The following MRPL39 variants were observed in gnomAD, a reference collection of about 807,000 sequenced individuals.
The protein encoded by MRPL39 is large ribosomal subunit protein mL39.
Under a neutral mutation model 44.5 loss-of-function variants are expected in MRPL39, and 35 were observed. The observed-to-expected ratio is 0.79, with a 90% confidence interval of 0.60 to 1.04. The LOEUF (loss-of-function observed/expected upper bound fraction) is 1.04, where lower values mean the gene tolerates loss of function less well. Among genes scored for constraint, MRPL39 ranks in the 50% least tolerant of loss-of-function variants. The pLI is 0.00. For missense variants in MRPL39, 433 were observed against 413.5 expected, an observed-to-expected ratio of 1.05 and a Z score of -0.41; for synonymous variants, 139 against 136.1, an observed-to-expected ratio of 1.02 and a Z score of -0.15.
In MRPL39 at chr21:25,599,831, C is replaced by A. The variant is rs2031470437; in HGVS notation, c.556G>T (p.Asp186Tyr). ...SGAFCYDVVLDSKLDEWMPTK... is the reference protein window; with the variant it reads ...SGAFCYDVVLYSKLDEWMPTK... ...GGCATCCACTCATCAAGTTTGCTATCCAAAACTACGTCATAACAGAAGGCA... is the reference window on the plus strand; with the variant it reads ...GGCATCCACTCATCAAGTTTGCTATACAAAACTACGTCATAACAGAAGGCA... Residue 186 changes from aspartate to tyrosine, a missense_variant, in exon 5 of 10, where the codon GAT becomes TAT. Physicochemically the swap from Asp to Tyr is radical, Grantham distance 160 (BLOSUM62 -3). Coordinates refer to ENST00000352957, the MANE Select transcript of MRPL39 (RefSeq NM_017446.4). The A allele has an allele frequency of 6.2e-7, 1 of 1,613,780 alleles. No homozygotes were observed. The highest frequency in any genetic ancestry group is 8.5e-7 in the Non-Finnish European group (1 of 1,179,858).
At position 25,604,013 on chromosome 21, in the gene MRPL39, T is replaced by C. The variant is rs1444331984; in HGVS notation, c.281-78A>G. ...CATGTTTAAGTGCTATATTTAGAAA[T>C]ATAACAATGGAAAGGCAAGATTCTG... is the stretch of plus-strand genomic sequence containing the variant. On this transcript the variant is annotated intron_variant, in intron 2 of 9. Coordinates refer to ENST00000352957, the MANE Select transcript of MRPL39 (RefSeq NM_017446.4). The C allele has an allele frequency of 3.7e-6, 5 of 1,361,610 alleles. No individual in the cohort carries two copies. The East Asian group carries it at 9.7e-5, about 26-fold the overall frequency. The allele number at this position is 1,361,610 out of a possible 1,614,324, so 84.3% of individuals were successfully genotyped here. A position where few individuals can be genotyped will look rare whatever the true frequency, so the allele number is the denominator to read the frequency against.
Position 25,597,364 on chromosome 21 carries a change from A to T in MRPL39, c.639T>A (p.Asp213Glu). Residue 213 changes from aspartate to glutamate, a missense_variant, in exon 6 of 10, where the codon GAT becomes GAA. Physicochemically the swap from Asp to Glu is conservative, Grantham distance 45. Transcript: ENST00000352957. ...TKDAHALIYK[D>E]LPFETLEVEA... ...CAACTTCCAGAGTTTCAAATGGAAGATCTTTATAAATTAAAGCATGAGCAT... is the reference window on the plus strand; with the variant it reads ...CAACTTCCAGAGTTTCAAATGGAAGTTCTTTATAAATTAAAGCATGAGCAT... 1 of 1,603,412 alleles carries T rather than the reference A, an allele frequency of 6.2e-7. No individual in the cohort carries two copies. Among genetic ancestry groups the T allele is most frequent in the East Asian group, 2.2e-5 (1 of 44,716 alleles).
At chr21:25,588,049 C>T (rs1010307623) in intron 9 of MRPL39, among the ~76,000 whole-genome samples, 1 of 152,158 alleles carries the variant, frequency 6.6e-6, no homozygotes, top group African/African-American at 2.4e-5. Flanking sequence ...CGGTGGCTCA[C>T]GCCTGTAATC....
At chr21:25,602,197 C>T (rs1028122040) in intron 3 of MRPL39, among the ~76,000 whole-genome samples, 1 of 152,224 alleles carries the variant, frequency 6.6e-6, no homozygotes, top group Non-Finnish European at 1.5e-5. Context: ...TAAGTACAGA[C>T]CCAGGCCTTG....
rs2031230713 is a variant in MRPL39 at position 25,592,981 on chromosome 21, A to G, written c.768-16T>C. 1 of 1,567,056 alleles carries G rather than the reference A, an allele frequency of 6.4e-7. No individual in the cohort carries two copies. The highest frequency in any genetic ancestry group is 8.6e-7 in the Non-Finnish European group (1 of 1,159,388). On this transcript the variant is annotated splice_polypyrimidine_tract_variant and intron_variant, in intron 7 of 9. Coordinates refer to ENST00000352957, the MANE Select transcript of MRPL39 (RefSeq NM_017446.4). ...GTCACCTATTCTGATTGATTTAAAA[A>G]TAAATAAACAAAACTGCAACATCAA...
Position 25,607,352 on chromosome 21 carries a change from GAC to G in MRPL39, c.73+49_73+50del, listed in dbSNP as rs770700474. The G allele has an allele frequency of 6.9e-6, 11 of 1,603,444 alleles. No individual in the cohort carries two copies. In the South Asian group the frequency reaches 9.9e-5, roughly 14 times the overall value. On this transcript the variant is annotated intron_variant, in intron 1 of 9. Coordinates refer to ENST00000352957, the MANE Select transcript of MRPL39 (RefSeq NM_017446.4). ...CCCCGCCTCAGACCCAATCTAGACA[GAC>G]ACCACTATCTAGGCCTCGCTCCCTG...
At chr21:25,602,761 T>C (rs1049663886) in intron 3 of MRPL39, among the ~76,000 whole-genome samples, 3 of 152,212 alleles carry the variant, frequency 2.0e-5, no homozygotes, top group Admixed American at 6.5e-5. Flanking sequence ...TTGTAAAAGA[T>C]AAATAGGATT....
rs1441171818 is a variant in MRPL39 at position 25,588,858 on chromosome 21, G to T, written c.946C>A (p.Leu316Ile). 2.5e-6 allele frequency: 4 copies of T among 1,612,908 alleles called. No homozygotes were observed. Among genetic ancestry groups the T allele is most frequent in the Non-Finnish European group, 3.4e-6 (4 of 1,179,340 alleles). ...LRAHFTIWDK[L>I]LERSRKMVTE... is the part of the protein sequence containing the mutation. ...ACCATTTTCCGAGATCTTTCCAATA[G>T]CTTATCCCATATTGTAAAATGTGCC... The change falls in exon 9 of 10, where the codon CTA becomes ATA. Residue 316 changes from leucine (L) to isoleucine (I), a missense_variant. Coordinates refer to ENST00000352957, the MANE Select transcript of MRPL39 (RefSeq NM_017446.4).
At chr21:25,594,969 A>G (rs1601374733) in intron 6 of MRPL39, among the ~76,000 whole-genome samples, 1 of 152,208 alleles carries the variant, frequency 6.6e-6, no homozygotes, top group East Asian at 1.9e-4. Context: ...TTCTCCTACC[A>G]TATCTCCTTT....
intron 8 of MRPL39, among the ~76,000 whole-genome samples, chr21:25,591,873 C>A (rs1452523484): frequency 6.6e-6 from 1 of 152,198 alleles, no homozygotes; most frequent in African/African-American, 2.4e-5. Flanking sequence ...AATGTCACAG[C>A]AGCTTTATTT....
At chr21:25,585,899 A>G in intron 9 of MRPL39, 145 bp from the exon 10 acceptor site, 1 of 606,980 alleles carries the variant, frequency 1.6e-6, no homozygotes, top group Non-Finnish European at 2.9e-6. Context: ...AGGTAAGAAG[A>G]AAGATTTAAA....
chr21:25,601,260 G>T, intron 4 of MRPL39, 108 bp downstream of exon 4: 1 of 526,618 alleles, frequency 1.9e-6, no homozygotes, highest in Non-Finnish European at 3.2e-6. Flanking sequence ...CATGATAAAT[G>T]ACACATATGT....
At position 25,597,298 on chromosome 21, in the gene MRPL39, T is replaced by C. The variant is rs200067521; in HGVS notation, c.701+4A>G. On this transcript the variant is annotated splice_donor_region_variant and intron_variant, in intron 6 of 9. Transcript: ENST00000352957. ...GCCTTGATTTAAAGAAAGCCAACAC[T>C]TACTTGCTGTGTTGAAATATTTCCA... 1.3e-6 allele frequency: 2 copies of C among 1,538,964 alleles called. No homozygotes were observed. Among genetic ancestry groups the C allele is most frequent in the Non-Finnish European group, 1.8e-6 (2 of 1,117,308 alleles).
At chr21:25,600,931 C>T (rs1270831377) in intron 4 of MRPL39, among the ~76,000 whole-genome samples, 1 of 152,150 alleles carries the variant, frequency 6.6e-6, no homozygotes, top group Non-Finnish European at 1.5e-5. Context: ...CATGGTGAAA[C>T]CCCGTCTCTA....
At chr21:25,601,549 G>T (rs2829830) in intron 3 of MRPL39, 82 bp from the exon 4 acceptor site, 26,108 of 895,738 alleles carry the variant, frequency 0.029, 2,381 homozygotes, top group African/African-American at 0.23. Flanking sequence ...AATTTTAAGT[G>T]AACTTCTGAC....
intron 8 of MRPL39, 46 bp from the exon 9 acceptor site, chr21:25,588,928 C>G: frequency 6.6e-7 from 1 of 1,519,964 alleles, no homozygotes; most frequent in Non-Finnish European, 9.1e-7. Context: ...GCAGTAATGT[C>G]AAAGTAAAAA....
chr21:25,585,864 C>T (rs763332961), intron 9 of MRPL39, 110 bp from the exon 10 acceptor site: 7 of 705,142 alleles, frequency 9.9e-6, no homozygotes, highest in African/African-American at 5.6e-5. Flanking sequence ...TTTATCTTTC[C>T]CCTTAAATAG....
chr21:25,593,793 A>G, intron 7 of MRPL39, 100 bp downstream of exon 7: 1 of 1,014,826 alleles, frequency 9.9e-7, no homozygotes, highest in Non-Finnish European at 1.4e-6. Context: ...AGAACAAAAT[A>G]AGACACAAAT....
upstream of MRPL39, chr21:25,607,503 G>A (rs774157514): frequency 1.9e-6 from 3 of 1,605,998 alleles, no homozygotes; most frequent in African/African-American, 2.7e-5. Flanking sequence ...TCGCGCGCAA[G>A]TCCTTCTCCG....
Sources: allele counts gnomAD v4.1 joint callset (sites outside exome capture counted in the v4.1 genomes callset), GRCh38; gene constraint gnomAD v4.1.1; transcripts MANE v1.5; gene names NCBI Gene and HGNC (gene_info 2026-07-23, HGNC 2026-07-21).